FBLN5: variants seen among roughly 807,000 people sequenced by gnomAD.
FBLN5 encodes fibulin 5, also known as fibulin-5.
A neutral mutation model predicts 61.6 loss-of-function variants in FBLN5; 24 were observed. The observed-to-expected ratio is 0.39, with a 90% CI of 0.28 to 0.55. The LOEUF (loss-of-function observed/expected upper bound fraction) is 0.55, where lower values mean the gene tolerates loss of function less well. Among genes scored for constraint, FBLN5 ranks in the 20% least tolerant of loss-of-function variants. FBLN5 has a pLI of 0.65. For synonymous variants in FBLN5, 213 were observed against 219.8 expected (o/e 0.97, Z 0.27); for missense variants, 470 against 594.1 (o/e 0.79, Z 2.17).
At chr14:91,874,892 A>ATCATAGC (rs2139945284) in intron 10 of FBLN5, 1 of 152,398 alleles carries the variant, frequency 6.6e-6, no homozygotes, top group South Asian at 2.1e-4. Context: ...CAGTGGTGCA[A>ATCATAGC]TCATAGCTCA....
chr14:91,875,878 A>G (rs920985343), intron 10 of FBLN5, among the ~76,000 whole-genome samples: 8 of 152,228 alleles, frequency 5.3e-5, no homozygotes, highest in African/African-American at 1.9e-4. Context: ...AGACAATCCA[A>G]TAGAAATGGA....
chr14:91,937,112 T>C lies in FBLN5; in HGVS notation c.214A>G (p.Thr72Ala). 3.1e-6 allele frequency: 5 copies of C among 1,614,014 alleles called. No homozygotes were observed. Among genetic ancestry groups the C allele is most frequent in the Non-Finnish European group, 4.2e-6 (5 of 1,179,996 alleles). Residue 72 changes from threonine (T) to alanine (A), a missense_variant, in exon 4 of 11, where the codon ACA (threonine) becomes GCA (alanine). Thr to Ala is a moderately conservative substitution (Grantham distance 58, BLOSUM62 0). Transcript: ENST00000342058. Reference sequence around the variant, plus strand: ...TAGGGCCCTCGATACACAGGGTTTGTCCGGGGAATGCATAAATACCCGCCA... The same window carrying C: ...TAGGGCCCTCGATACACAGGGTTTGCCCGGGGAATGCATAAATACCCGCCA... ...QNGGYLCIPR[T>A]NPVYRGPYSN...
chr14:91,886,656 A>T (rs1390093683), intron 7 of FBLN5, among the ~76,000 whole-genome samples: 2 of 151,052 alleles, frequency 1.3e-5, no homozygotes, highest in Non-Finnish European at 3.0e-5. Flanking sequence ...TTCGAGAACT[A>T]TTTTTTTTTG....
intron 10 of FBLN5, among the ~76,000 whole-genome samples, chr14:91,871,677 T>G (rs1888934283): frequency 6.6e-6 from 1 of 151,994 alleles, no homozygotes; most frequent in Non-Finnish European, 1.5e-5. Flanking sequence ...GCTGATATGG[T>G]GAAACCCCAT....
chr14:91,884,932 A>C (rs1162978780), intron 7 of FBLN5, among the ~76,000 whole-genome samples: 1 of 152,108 alleles, frequency 6.6e-6, no homozygotes, highest in Non-Finnish European at 1.5e-5. Flanking sequence ...TCTGGCAGGG[A>C]GCATGTATTA....
intron 6 of FBLN5, 108 bp from the exon 7 acceptor site, chr14:91,887,420 G>A: frequency 8.7e-7 from 1 of 1,147,226 alleles, no homozygotes; most frequent in Non-Finnish European, 1.3e-6. Context: ...GGAGACCAGA[G>A]TCCCAGGTAC....
chr14:91,909,510 A>C (rs997572106), intron 4 of FBLN5, among the ~76,000 whole-genome samples: 15 of 152,200 alleles, frequency 9.9e-5, no homozygotes, highest in African/African-American at 3.4e-4. Context: ...AATGCAACTA[A>C]AATTCTTAGG....
Position 91,937,084 on chromosome 14 carries a change from G to C in FBLN5, c.242C>G (p.Ser81Trp). 6.2e-7 allele frequency: 1 copy of C among 1,614,056 alleles called. No homozygotes were observed. Among genetic ancestry groups the C allele is most frequent in the Non-Finnish European group, 8.5e-7 (1 of 1,180,016 alleles). Residue 81 changes from serine (S) to tryptophan (W), a missense_variant, in exon 4 of 11, where the codon TCG (serine) becomes TGG (tryptophan). Ser to Trp is a radical substitution (Grantham distance 177). Coordinates refer to ENST00000342058, the MANE Select transcript of FBLN5 (RefSeq NM_006329.4). The part of the protein sequence containing the change: ...RTNPVYRGPY[S>W]NPYSTPYSGP... ...TGAGTAGGGGGTCGAGTAGGGGTTC[G>C]AGTAGGGCCCTCGATACACAGGGTT...
At chr14:91,937,252 T>C (rs2056033985) in intron 3 of FBLN5, 51 bp from the exon 4 acceptor site, 9 of 1,611,958 alleles carry the variant, frequency 5.6e-6, no homozygotes, top group Middle Eastern at 1.7e-4. Context: ...CTGCCTTGTG[T>C]CCGGTGCATA....
chr14:91,946,029 C>T (rs2056177894), intron 1 of FBLN5, among the ~76,000 whole-genome samples: 1 of 152,210 alleles, frequency 6.6e-6, no homozygotes. Context: ...AACAGGCTGA[C>T]TGCAACACAG....
At chr14:91,898,892 C>T (rs1890337901) in intron 4 of FBLN5, among the ~76,000 whole-genome samples, 1 of 150,122 alleles carries the variant, frequency 6.7e-6, no homozygotes, top group Non-Finnish European at 1.5e-5. Context: ...AGCTCTGCCT[C>T]CCGGGTTCAC....
chr14:91,873,456 A>G (rs1889029244), intron 10 of FBLN5: 1 of 152,264 alleles, frequency 6.6e-6, no homozygotes, highest in South Asian at 2.1e-4. Context: ...TCTAACCACT[A>G]CACTCTCTGA....
chr14:91,940,315 C>G lies in FBLN5; in HGVS notation c.124+250G>C, dbSNP rs74071637. ...TTGGTGGTAATTTGTTACGGCAGCC[C>G]TAGGAAACACCAATCCAATAGAAAC... On this transcript the variant is annotated intron_variant, in intron 3 of 10. Coordinates refer to ENST00000342058, the MANE Select transcript of FBLN5 (RefSeq NM_006329.4). 0.013 allele frequency among the ~76,000 whole-genome samples: 2,046 copies of G among 152,194 alleles called. 33 individuals are homozygous for G. Among genetic ancestry groups the G allele is most frequent in the African/African-American group, 0.039 (1,632 of 41,542 alleles).
intron 4 of FBLN5, among the ~76,000 whole-genome samples, chr14:91,936,655 G>A (rs923957363): frequency 6.6e-6 from 1 of 152,148 alleles, no homozygotes; most frequent in African/African-American, 2.4e-5. Flanking sequence ...TAAATATATA[G>A]ATGAGTTATA....
intron 4 of FBLN5, among the ~76,000 whole-genome samples, chr14:91,930,623 T>C (rs1298482045): frequency 2.0e-5 from 3 of 152,202 alleles, no homozygotes; most frequent in Admixed American, 6.5e-5. Flanking sequence ...GAGGACTGTA[T>C]AAAAACTAAG....
intron 4 of FBLN5, among the ~76,000 whole-genome samples, chr14:91,930,699 A>G (rs1407562808): frequency 2.0e-5 from 3 of 152,158 alleles, no homozygotes; most frequent in African/African-American, 7.2e-5. Flanking sequence ...TCCTGTCAGC[A>G]TTAGGGGCTG....
intron 4 of FBLN5, among the ~76,000 whole-genome samples, chr14:91,919,330 CA>C (rs2055684004): frequency 1.9e-5 from 1 of 52,280 alleles, no homozygotes. Flanking sequence ...GACTCTGTCT[CA>C]AAAAAAAGAA....
chr14:91,882,878 A>C lies in FBLN5; in HGVS notation c.862+76T>G. 7 of 1,530,376 alleles carry C rather than the reference A, an allele frequency of 4.6e-6. No homozygotes were observed. Among genetic ancestry groups the C allele is most frequent in the African/African-American group, 1.4e-5 (1 of 73,282 alleles). The allele number at this position is 1,530,376 out of a possible 1,614,324, so 94.8% of individuals were successfully genotyped here. ...AAAGCTGCACATGATTCCCCAGGTGAGGATATCCAGATGAGCCCCTGAAGC... is the reference window on the plus strand; with the variant it reads ...AAAGCTGCACATGATTCCCCAGGTGCGGATATCCAGATGAGCCCCTGAAGC... On this transcript the variant is annotated intron_variant, in intron 8 of 10. Transcript: ENST00000342058. This position sits in a 1 kb window ranked among gnomAD's most constrained non-coding sequence, Gnocchi z 4.9.
intron 4 of FBLN5, among the ~76,000 whole-genome samples, chr14:91,903,705 T>G (rs922309108): frequency 1.3e-5 from 2 of 152,172 alleles, no homozygotes; most frequent in Non-Finnish European, 2.9e-5. Context: ...CGTTTTCCAG[T>G]GGCCCAGGCT....
Sources: gnomAD v4.1 joint callset for allele counts (sites outside exome capture counted in the v4.1 genomes callset) on GRCh38, gnomAD v4.1.1 for gene constraint, Gnocchi (gnomAD v3.1) non-coding constraint, MANE v1.5 for transcripts, NCBI Gene and HGNC (gene_info 2026-07-23, HGNC 2026-07-21) for gene names.